The following FRMPD3 variants were observed in gnomAD, a reference collection of about 807,000 sequenced individuals.
FRMPD3 encodes FERM and PDZ domain containing 3, also known as FERM and PDZ domain-containing protein 3.
In FRMPD3, 42 loss-of-function variants were observed where a neutral mutation model predicts 97.9. That is an observed-to-expected ratio of 0.43 (90% CI 0.34 to 0.55). The LOEUF (loss-of-function observed/expected upper bound fraction) is 0.55. Among genes scored for constraint, FRMPD3 ranks in the 20% least tolerant of loss-of-function variants. The probability of loss-of-function intolerance (pLI) is 0.03; values close to 1 mark genes in which losing one functional copy is unlikely to be tolerated. For missense variants in FRMPD3, 1,303 were observed against 1,457.7 expected, an observed-to-expected ratio of 0.89 and a Z score of 1.73; for synonymous variants, 577 against 581.1, an observed-to-expected ratio of 0.99 and a Z score of 0.10.
intron 1 of FRMPD3, among the ~76,000 whole-genome samples, chrX:107,472,951 AC>A (rs1921102271): frequency 8.9e-6 from 1 of 112,192 alleles, no homozygotes; most frequent in Non-Finnish European, 1.9e-5. Context: ...AGCTGCTGTT[AC>A]TTAATTTACC....
chrX:107,595,256 G>A (rs1300852006), intron 13 of FRMPD3, among the ~76,000 whole-genome samples: 1 of 109,932 alleles, frequency 9.1e-6, no homozygotes. Flanking sequence ...GGTGAAGGTT[G>A]CAGTGAGCCA....
At chrX:107,504,339 T>C (rs1343789407) in intron 1 of FRMPD3, among the ~76,000 whole-genome samples, 1 of 112,719 alleles carries the variant, frequency 8.9e-6, no homozygotes, top group Non-Finnish European at 1.9e-5. Flanking sequence ...AGGTTCCTTT[T>C]CTGCTCTGCC....
intron 13 of FRMPD3, among the ~76,000 whole-genome samples, chrX:107,587,588 C>T (rs1021753940): frequency 3.6e-5 from 4 of 111,448 alleles, no homozygotes; most frequent in Admixed American, 9.6e-5. Context: ...TGGCTGGTAC[C>T]GGTTTTTCCT....
At chrX:107,581,999 T>G (rs905665164) in intron 13 of FRMPD3, among the ~76,000 whole-genome samples, 4 of 111,722 alleles carry the variant, frequency 3.6e-5, no homozygotes, top group Non-Finnish European at 7.5e-5. Flanking sequence ...TATGGGGACA[T>G]ATGTTTTCCT....
chrX:107,604,049 G>C lies in FRMPD3; in HGVS notation c.*676G>C, dbSNP rs771489453. The C allele has an allele frequency of 1.8e-5, 2 of 109,815 alleles. No individual in the cohort carries two copies. Among genetic ancestry groups the C allele is most frequent in the South Asian group, 8.0e-4 (2 of 2,500 alleles). 9.0% of individuals were successfully genotyped at this position (109,815 alleles called of 1,213,427 possible). ...AAAGTGCCCTGCCCCTCACTGATGG[G>C]CAGGGCAGCTCAGTCCACTAGGGAG... On this transcript the variant is annotated 3_prime_UTR_variant, in exon 15 of 15. Transcript: ENST00000683843.
In FRMPD3 at chrX:107,597,330, A is replaced by G. The variant is rs1924219433; in HGVS notation, c.1451A>G (p.His484Arg). 1 of 1,201,241 alleles carries G rather than the reference A, an allele frequency of 8.3e-7. No individual in the cohort carries two copies. Among genetic ancestry groups the G allele is most frequent in the Non-Finnish European group, 1.1e-6 (1 of 891,165 alleles). The change falls in exon 14 of 15, where the codon CAC becomes CGC. Residue 484 changes from histidine (H) to arginine (R), a missense_variant. Physicochemically the swap from His to Arg is conservative, Grantham distance 29 (BLOSUM62 0). Around this residue, in one of 3 missense-constraint regions of FRMPD3, gnomAD observed 535 missense variants for 618.6 expected, o/e 0.86. Coordinates refer to ENST00000683843, the MANE Select transcript of FRMPD3 (RefSeq NM_001388459.1). ...CTCTTTCTGGGTTTAGATTACATGC[A>G]CAGCGCCCACCGCCCTGTCACTGGG... is the stretch of plus-strand genomic sequence containing the variant. ...PPPMIKADYM[H>R]SAHRPVTGGH...
chrX:107,601,515 G>A lies in FRMPD3; in HGVS notation c.3476G>A (p.Arg1159Gln), dbSNP rs754398996. Residue 1159 changes from arginine to glutamine, a missense_variant, in exon 15 of 15, where the codon CGA becomes CAA. Arg to Gln is a conservative substitution (Grantham distance 43). Around this residue, in one of 3 missense-constraint regions of FRMPD3, gnomAD observed 764 missense variants for 820.2 expected, o/e 0.93. Transcript: ENST00000683843. Reference sequence around the variant, plus strand: ...GGCCACAGCCCCAGCAGCCAGTCTCGAGGTCAGAGCCCCAGCTGCCAACCT... The same window carrying A: ...GGCCACAGCCCCAGCAGCCAGTCTCAAGGTCAGAGCCCCAGCTGCCAACCT... ...PHGHSPSSQS[R>Q]GQSPSCQPRG... The A allele has an allele frequency of 8.5e-7, 1 of 1,173,348 alleles. No homozygotes were observed. The highest frequency in any genetic ancestry group is 1.9e-5 in the South Asian group (1 of 53,327).
chrX:107,549,639 G>A (rs895467671), intron 5 of FRMPD3, among the ~76,000 whole-genome samples: 2 of 111,560 alleles, frequency 1.8e-5, no homozygotes, highest in South Asian at 3.8e-4. Context: ...GGAAAGGGAG[G>A]TATCAGGAGA....
intron 6 of FRMPD3, among the ~76,000 whole-genome samples, chrX:107,550,469 A>G (rs939493666): frequency 1.2e-4 from 14 of 112,754 alleles, no homozygotes; most frequent in Non-Finnish European, 2.4e-4. Context: ...TATGAAGATC[A>G]TTAAGCCATT....
intron 1 of FRMPD3, among the ~76,000 whole-genome samples, chrX:107,520,144 G>A (rs1241391085): frequency 9.0e-6 from 1 of 111,113 alleles, no homozygotes; most frequent in Non-Finnish European, 1.9e-5. Context: ...GGCCTTATGG[G>A]ATGAGTCTCA....
intron 1 of FRMPD3, among the ~76,000 whole-genome samples, chrX:107,491,004 A>C (rs1384419473): frequency 8.9e-6 from 1 of 111,809 alleles, no homozygotes; most frequent in Non-Finnish European, 1.9e-5. Flanking sequence ...CACAGCGGTG[A>C]GGTAGATGGT....
At chrX:107,567,947 T>C (rs1182190440) in intron 12 of FRMPD3, among the ~76,000 whole-genome samples, 1 of 110,803 alleles carries the variant, frequency 9.0e-6, no homozygotes, top group African/African-American at 3.3e-5. Flanking sequence ...ATGTGAAATA[T>C]GCAAAATCAG....
At chrX:107,518,337 T>C (rs1366028975) in intron 1 of FRMPD3, among the ~76,000 whole-genome samples, 2 of 111,595 alleles carry the variant, frequency 1.8e-5, no homozygotes, top group African/African-American at 6.5e-5. Flanking sequence ...GGAGGTAAAC[T>C]GGAAGAATGG....
In FRMPD3 at chrX:107,601,765, A is replaced by G. The variant is rs369941771; in HGVS notation, c.3726A>G (p.Val1242=). The G allele has an allele frequency of 9.1e-5, 110 of 1,209,560 alleles. No individual in the cohort carries two copies. Among genetic ancestry groups the G allele is most frequent in the Non-Finnish European group, 1.2e-4 (104 of 895,080 alleles). ...AGCGGCAGGCCCAACTGCAGAAGGT[A>G]AAGCAGTATGAACTGGAGTTCCTTG... The part of the protein sequence containing the change: ...TDERQAQLQK[V]KQYELEFLEE... The change falls in exon 15 of 15, where the codon GTA becomes GTG. Residue 1242 remains valine, a synonymous_variant. Transcript: ENST00000683843.
chrX:107,543,602 G>A (rs999506279), intron 4 of FRMPD3, among the ~76,000 whole-genome samples: 2 of 110,414 alleles, frequency 1.8e-5, no homozygotes, highest in Admixed American at 9.7e-5. Flanking sequence ...GATCACTTGA[G>A]GTCAGTAGTT....
At chrX:107,477,654 T>C in intron 1 of FRMPD3, among the ~76,000 whole-genome samples, 1 of 112,317 alleles carries the variant, frequency 8.9e-6, no homozygotes, top group Non-Finnish European at 1.9e-5. Context: ...CCAAGTGTTA[T>C]GCTTACTCTG....
At chrX:107,466,990 G>A (rs915544965) in intron 1 of FRMPD3, among the ~76,000 whole-genome samples, 32 of 63,200 alleles carry the variant, frequency 5.1e-4, no homozygotes, top group Non-Finnish European at 2.8e-5. Flanking sequence ...CAGGTTGGAG[G>A]TGTGTGTGTG....
chrX:107,570,863 G>A (rs1456930113), intron 12 of FRMPD3, among the ~76,000 whole-genome samples: 1 of 111,626 alleles, frequency 9.0e-6, no homozygotes, highest in African/African-American at 3.3e-5. Flanking sequence ...GGCACCCTGG[G>A]AAGGAGATGT....
At chrX:107,572,758 T>G (rs1224062508) in intron 12 of FRMPD3, among the ~76,000 whole-genome samples, 1 of 108,715 alleles carries the variant, frequency 9.2e-6, no homozygotes, top group Non-Finnish European at 1.9e-5. Flanking sequence ...TAAAAAAGCC[T>G]TCAGGGTCAT....
Sources: allele counts gnomAD v4.1 joint callset (sites outside exome capture counted in the v4.1 genomes callset), GRCh38; gene constraint gnomAD v4.1.1; regional missense constraint gnomAD v4.1.1; transcripts MANE v1.5; gene names NCBI Gene and HGNC (gene_info 2026-07-23, HGNC 2026-07-21).